SLC16A7: variants seen among roughly 807,000 people sequenced by gnomAD.
SLC16A7 encodes monocarboxylate transporter 2.
A neutral mutation model predicts 34.9 loss-of-function variants in SLC16A7; 33 were observed. That is an observed-to-expected ratio of 0.94 (90% CI 0.72 to 1.26). SLC16A7 has a LOEUF of 1.26. Ranked by LOEUF, SLC16A7 falls within the 50% of genes most tolerant of loss-of-function variation. SLC16A7 has a pLI of 0.00. For missense variants in SLC16A7, 573 were observed against 578.1 expected (o/e 0.99, Z 0.09); for synonymous variants, 201 against 206.6 (o/e 0.97, Z 0.23).
At chr12:59,620,974 C>T (rs988580564) in intron 1 of SLC16A7, among the ~76,000 whole-genome samples, 4 of 151,834 alleles carry the variant, frequency 2.6e-5, no homozygotes, top group Non-Finnish European at 4.4e-5. Context: ...AGCCCAAATA[C>T]AATCTTTTTT....
chr12:59,786,175 T>C lies in SLC16A7; in HGVS notation c.*6496T>C, dbSNP rs1356634272. On this transcript the variant is annotated 3_prime_UTR_variant, in exon 6 of 6. Coordinates refer to ENST00000547379, the MANE Select transcript of SLC16A7 (RefSeq NM_001270623.2). ...CATTGTGCACATGTACCCTAAAACTTAAAGTATAATAATAATAAATAAAAT... is the reference window on the plus strand; with the variant it reads ...CATTGTGCACATGTACCCTAAAACTCAAAGTATAATAATAATAAATAAAAT... 1.4e-5 allele frequency: 2 copies of C among 147,862 alleles called. No homozygotes were observed. The highest frequency in any genetic ancestry group is 5.2e-5 in the African/African-American group (2 of 38,382). The allele number at this position is 147,862 out of a possible 1,614,324, so 9.2% of individuals were successfully genotyped here. A position where few individuals can be genotyped will look rare whatever the true frequency, so the allele number is the denominator to read the frequency against.
intron 1 of SLC16A7, among the ~76,000 whole-genome samples, chr12:59,629,883 A>G (rs1472151689): frequency 6.6e-6 from 1 of 151,718 alleles, no homozygotes; most frequent in Non-Finnish European, 1.5e-5. Flanking sequence ...TTTCTCACTG[A>G]TAGAAACATG....
chr12:59,755,729 C>A (rs1441902666), intron 3 of SLC16A7, among the ~76,000 whole-genome samples: 1 of 152,216 alleles, frequency 6.6e-6, no homozygotes, highest in East Asian at 1.9e-4. Context: ...CTACCAATTA[C>A]TTTCTTCACA....
intron 1 of SLC16A7, among the ~76,000 whole-genome samples, chr12:59,627,150 A>G (rs1342267286): frequency 6.6e-6 from 1 of 151,782 alleles, no homozygotes; most frequent in Non-Finnish European, 1.5e-5. Context: ...ATCACTTACA[A>G]TGTGCTACGC....
chr12:59,677,420 AAAC>A (rs1247718000), intron 2 of SLC16A7, among the ~76,000 whole-genome samples: 8 of 152,228 alleles, frequency 5.3e-5, no homozygotes, highest in Non-Finnish European at 1.0e-4. Flanking sequence ...ATTCCAAACT[AAAC>A]ATGTTATCTT....
Position 59,774,904 on chromosome 12 carries a change from C to T in SLC16A7, c.609C>T (p.Thr203=), listed in dbSNP as rs551098060. ...TGAGACCCCTTGGACCCAATCAAAC[C>T]ACTTCTAAGTCTAAAAATAAGACTG... ...SLMRPLGPNQ[T]TSKSKNKTGK... is the part of the protein sequence containing the mutation. Residue 203 remains threonine (T), a synonymous_variant, in exon 5 of 6, where the codon ACC becomes ACT. Transcript: ENST00000547379. The T allele has an allele frequency of 1.7e-5, 28 of 1,613,892 alleles. No individual in the cohort carries two copies. The African/African-American group carries it at 3.7e-4, about 22-fold the overall frequency.
intron 2 of SLC16A7, among the ~76,000 whole-genome samples, chr12:59,701,398 A>C (rs1307565461): frequency 6.6e-6 from 1 of 151,176 alleles, no homozygotes; most frequent in Non-Finnish European, 1.5e-5. Flanking sequence ...AAACCATGTA[A>C]AGGAAAATAG....
chr12:59,647,662 G>A (rs1384064174), intron 1 of SLC16A7, among the ~76,000 whole-genome samples: 1 of 152,130 alleles, frequency 6.6e-6, no homozygotes, highest in African/African-American at 2.4e-5. Flanking sequence ...AATGAATGAA[G>A]GACTAATAGA....
chr12:59,671,763 GTATATATGTGTA>G (rs1321340695), intron 2 of SLC16A7, among the ~76,000 whole-genome samples: 2 of 139,270 alleles, frequency 1.4e-5, no homozygotes, highest in South Asian at 2.2e-4. Flanking sequence ...ATGTGTATAT[GTATATATGTGTA>G]TATATATGTG....
intron 2 of SLC16A7, among the ~76,000 whole-genome samples, chr12:59,681,238 C>T (rs1870722934): frequency 6.6e-6 from 1 of 152,192 alleles, no homozygotes; most frequent in African/African-American, 2.4e-5. Flanking sequence ...CTCAAATTTT[C>T]CTGCAGGCGA....
At position 59,784,017 on chromosome 12, in the gene SLC16A7, A is replaced by G. The variant is rs770477182; in HGVS notation, c.*4338A>G. On this transcript the variant is annotated 3_prime_UTR_variant, in exon 6 of 6. Coordinates refer to ENST00000547379, the MANE Select transcript of SLC16A7 (RefSeq NM_001270623.2). ...TTCTGATTGCCTGCTTTTCTCCCCA[A>G]TGCAAATTATCTCAAATAATGATAA... 4.6e-5 allele frequency: 7 copies of G among 152,064 alleles called. No individual in the cohort carries two copies. Among genetic ancestry groups the G allele is most frequent in the Admixed American group, 2.0e-4 (3 of 15,248 alleles). 9.4% of individuals were successfully genotyped at this position (152,064 alleles called of 1,614,324 possible).
intron 3 of SLC16A7, among the ~76,000 whole-genome samples, chr12:59,714,489 G>A (rs1365949002): frequency 6.6e-6 from 1 of 152,064 alleles, no homozygotes; most frequent in Non-Finnish European, 1.5e-5. Flanking sequence ...TTAGATGGCT[G>A]CCTCCTAGTT....
At chr12:59,771,111 C>A in intron 3 of SLC16A7, 108 bp from the exon 4 acceptor site, 1 of 1,037,086 alleles carries the variant, frequency 9.6e-7, no homozygotes, top group Non-Finnish European at 1.4e-6. Flanking sequence ...TATTTCTCCT[C>A]TGACCATTAA....
chr12:59,643,268 T>A (rs977085275), intron 1 of SLC16A7, among the ~76,000 whole-genome samples: 7 of 152,154 alleles, frequency 4.6e-5, no homozygotes, highest in African/African-American at 1.7e-4. Flanking sequence ...TGACATTAAA[T>A]CCATTCCATT....
chr12:59,743,893 T>A (rs1390723512), intron 3 of SLC16A7, among the ~76,000 whole-genome samples: 1 of 152,214 alleles, frequency 6.6e-6, no homozygotes, highest in Non-Finnish European at 1.5e-5. Flanking sequence ...CATTTCCAAA[T>A]CTGTAGAATA....
chr12:59,690,034 T>TC (rs1871461765), intron 2 of SLC16A7, among the ~76,000 whole-genome samples: 1 of 151,948 alleles, frequency 6.6e-6, no homozygotes, highest in Admixed American at 6.6e-5. Flanking sequence ...ATTTCATTCC[T>TC]AGAAAGGATT....
chr12:59,773,763 C>T (rs1461475610), intron 4 of SLC16A7, among the ~76,000 whole-genome samples: 1 of 151,960 alleles, frequency 6.6e-6, no homozygotes, highest in Non-Finnish European at 1.5e-5. Flanking sequence ...CGGGGTTTCA[C>T]CATGTTGGCC....
At chr12:59,711,007 C>G (rs1318720678) in intron 3 of SLC16A7, among the ~76,000 whole-genome samples, 2 of 152,122 alleles carry the variant, frequency 1.3e-5, no homozygotes, top group African/African-American at 4.8e-5. Flanking sequence ...AGATGTCTAC[C>G]AACACTTCAG....
At chr12:59,621,982 T>C (rs1321134674) in intron 1 of SLC16A7, among the ~76,000 whole-genome samples, 1 of 151,858 alleles carries the variant, frequency 6.6e-6, no homozygotes, top group Non-Finnish European at 1.5e-5. Context: ...GGTCTCTGAT[T>C]CTTCTAATTG....
Sources: gnomAD v4.1 joint callset for allele counts (sites outside exome capture counted in the v4.1 genomes callset) on GRCh38, gnomAD v4.1.1 for gene constraint, MANE v1.5 for transcripts, NCBI Gene and HGNC (gene_info 2026-07-23, HGNC 2026-07-21) for gene names.